Variants in SGCZ observed in about 807,000 individuals in gnomAD.
SGCZ encodes the protein zeta-sarcoglycan.
SGCZ carries 40 observed loss-of-function variants against 41.3 expected under a neutral mutation model. That is an observed-to-expected ratio of 0.97 (90% CI 0.75 to 1.26). SGCZ has a LOEUF of 1.26. Among genes scored for constraint, SGCZ ranks in the 50% most tolerant of loss-of-function variants. The pLI is 0.00. For missense variants in SGCZ, 552 were observed against 369.8 expected, an observed-to-expected ratio of 1.49 and a Z score of -4.04; for synonymous variants, 206 against 137.5, an observed-to-expected ratio of 1.50 and a Z score of -3.49.
At chr8:15,218,990 A>C (rs1209601863) in intron 1 of SGCZ, among the ~76,000 whole-genome samples, 1 of 152,200 alleles carries the variant, frequency 6.6e-6, no homozygotes, top group Non-Finnish European at 1.5e-5. Context: ...GGGTTCTCAA[A>C]GATCGTTAGA....
intron 1 of SGCZ, among the ~76,000 whole-genome samples, chr8:15,091,146 C>T (rs1806142445): frequency 6.6e-6 from 1 of 151,956 alleles, no homozygotes; most frequent in Admixed American, 6.6e-5. Flanking sequence ...ATTTTTTTGG[C>T]CAGGATAGAT....
At chr8:14,633,240 A>G (rs1285079266) in intron 1 of SGCZ, among the ~76,000 whole-genome samples, 1 of 151,964 alleles carries the variant, frequency 6.6e-6, no homozygotes, top group Non-Finnish European at 1.5e-5. Flanking sequence ...TATTCTGTAT[A>G]TAGACAGCAC....
intron 2 of SGCZ, among the ~76,000 whole-genome samples, chr8:14,509,465 A>G (rs995064952): frequency 2.0e-5 from 3 of 152,174 alleles, no homozygotes; most frequent in Non-Finnish European, 2.9e-5. Flanking sequence ...CAGAAAAAAT[A>G]TGATGTGCCC....
At chr8:14,290,107 G>C (rs1018510946) in intron 3 of SGCZ, among the ~76,000 whole-genome samples, 11 of 152,074 alleles carry the variant, frequency 7.2e-5, no homozygotes, top group African/African-American at 2.7e-4. Context: ...TACAACTTGA[G>C]ATGAGGTTTG....
In SGCZ at chr8:14,682,504, G is replaced by A. The variant is rs567860007; in HGVS notation, c.40-127578C>T. Among the ~76,000 whole-genome samples, 136 of 149,216 alleles carry A rather than the reference G, an allele frequency of 9.1e-4. 1 individual carries two copies. The South Asian group carries it at 0.028, about 31-fold the overall frequency. ...GGCTGGAGTGCAGTGGTGCAATCAC[G>A]GCTCACTGCAATCTCCGCCTCCCGG... On this transcript the variant is annotated intron_variant, in intron 1 of 7. Coordinates refer to ENST00000382080, the MANE Select transcript of SGCZ (RefSeq NM_139167.4).
chr8:15,049,841 A>G (rs1332526378), intron 1 of SGCZ, among the ~76,000 whole-genome samples: 2 of 152,122 alleles, frequency 1.3e-5, no homozygotes, highest in African/African-American at 4.8e-5. Context: ...GGTTTTATAA[A>G]TGGAAGTTCT....
intron 2 of SGCZ, among the ~76,000 whole-genome samples, chr8:14,402,107 T>G (rs954446001): frequency 6.6e-6 from 1 of 152,238 alleles, no homozygotes; most frequent in Non-Finnish European, 1.5e-5. Flanking sequence ...TGTCTGTTCA[T>G]GTCCTTTGCC....
At chr8:14,497,424 G>T (rs530627798) in intron 2 of SGCZ, among the ~76,000 whole-genome samples, 1 of 152,108 alleles carries the variant, frequency 6.6e-6, no homozygotes, top group Non-Finnish European at 1.5e-5. Flanking sequence ...AGGAGATGGT[G>T]GTAAATCAAG....
chr8:14,130,084 C>T (rs1005931825), intron 5 of SGCZ, among the ~76,000 whole-genome samples: 2 of 152,048 alleles, frequency 1.3e-5, no homozygotes, highest in African/African-American at 4.8e-5. Context: ...AAACTTAACA[C>T]AAAACTACAG....
chr8:14,691,691 G>A (rs577961736), intron 1 of SGCZ, among the ~76,000 whole-genome samples: 3 of 152,128 alleles, frequency 2.0e-5, no homozygotes, highest in Admixed American at 6.5e-5. Flanking sequence ...GTAAGAATAT[G>A]AGTTATGTTA....
chr8:14,492,141 G>A (rs1801859447), intron 2 of SGCZ, among the ~76,000 whole-genome samples: 1 of 152,108 alleles, frequency 6.6e-6, no homozygotes, highest in South Asian at 2.1e-4. Flanking sequence ...GTGTTAAAAT[G>A]TTTATTTTAT....
At chr8:14,572,759 C>G (rs1203844663) in intron 1 of SGCZ, among the ~76,000 whole-genome samples, 4 of 143,010 alleles carry the variant, frequency 2.8e-5, no homozygotes, top group African/African-American at 9.9e-5. Context: ...TGAACAAGCT[C>G]CAAAAATGTA....
chr8:14,745,027 G>C (rs531722431), intron 1 of SGCZ, among the ~76,000 whole-genome samples: 1 of 152,260 alleles, frequency 6.6e-6, no homozygotes, highest in East Asian at 1.9e-4. Flanking sequence ...CAATTTCAAA[G>C]ACTGGATATT....
At chr8:14,454,431 C>G (rs1370603340) in intron 2 of SGCZ, among the ~76,000 whole-genome samples, 1 of 152,110 alleles carries the variant, frequency 6.6e-6, no homozygotes, top group Non-Finnish European at 1.5e-5. Flanking sequence ...ATAGTCATTT[C>G]TTAATTGTGC....
intron 4 of SGCZ, among the ~76,000 whole-genome samples, chr8:14,174,769 C>A (rs1262581604): frequency 6.6e-6 from 1 of 152,126 alleles, no homozygotes; most frequent in African/African-American, 2.4e-5. Flanking sequence ...GTGGCTTAAA[C>A]AATACAAACG....
intron 1 of SGCZ, among the ~76,000 whole-genome samples, chr8:14,812,373 A>C (rs1801763215): frequency 6.6e-6 from 1 of 152,098 alleles, no homozygotes; most frequent in Non-Finnish European, 1.5e-5. Flanking sequence ...ATTGCCTATG[A>C]ATTGTTACAT....
At chr8:14,584,554 G>C (rs1208380463) in intron 1 of SGCZ, among the ~76,000 whole-genome samples, 3 of 152,056 alleles carry the variant, frequency 2.0e-5, no homozygotes, top group African/African-American at 7.2e-5. Context: ...CGTGACATGA[G>C]GAAACAAGGT....
intron 2 of SGCZ, among the ~76,000 whole-genome samples, chr8:14,493,057 A>G (rs985444195): frequency 1.3e-5 from 2 of 152,136 alleles, no homozygotes; most frequent in Non-Finnish European, 1.5e-5. Flanking sequence ...TCTCCAAAAA[A>G]TGTTTCTCTT....
At chr8:15,063,039 C>T (rs1385493021) in intron 1 of SGCZ, among the ~76,000 whole-genome samples, 2 of 152,056 alleles carry the variant, frequency 1.3e-5, no homozygotes, top group Non-Finnish European at 2.9e-5. Flanking sequence ...AATATATTTC[C>T]CATATTTCAC....
Sources: allele counts gnomAD v4.1 joint callset (sites outside exome capture counted in the v4.1 genomes callset), GRCh38; gene constraint gnomAD v4.1.1; transcripts MANE v1.5; gene names NCBI Gene and HGNC (gene_info 2026-07-23, HGNC 2026-07-21).